Variants in CADM1 observed in about 807,000 individuals in gnomAD.
CADM1 encodes TSLC-1.
In CADM1, 15 loss-of-function variants were observed where a neutral mutation model predicts 53.1. The observed-to-expected ratio is 0.28, with a 90% CI of 0.19 to 0.44. The LOEUF (loss-of-function observed/expected upper bound fraction) is 0.44, where lower values mean the gene tolerates loss of function less well. Among genes scored for constraint, CADM1 ranks in the 20% least tolerant of loss-of-function variants. The pLI, the probability that CADM1 is intolerant of heterozygous loss-of-function variation, is 1.00. For missense variants in CADM1, 434 were observed against 611.3 expected (o/e 0.71, Z 3.06); for synonymous variants, 281 against 243.0 (o/e 1.16, Z -1.45).
chr11:115,271,847 C>A (rs1008221234), intron 1 of CADM1, among the ~76,000 whole-genome samples: 1 of 152,160 alleles, frequency 6.6e-6, no homozygotes, highest in Non-Finnish European at 1.5e-5. Context: ...GCCAAAGATC[C>A]ACTGAGATGT....
At chr11:115,176,893 C>G (rs1397511227) in intron 11 of CADM1, among the ~76,000 whole-genome samples, 1 of 152,170 alleles carries the variant, frequency 6.6e-6, no homozygotes, top group Non-Finnish European at 1.5e-5. Flanking sequence ...ATGCAGAAAG[C>G]TGGAGAGGGG....
At chr11:115,407,518 C>A (rs1343544979) in intron 1 of CADM1, among the ~76,000 whole-genome samples, 1 of 152,070 alleles carries the variant, frequency 6.6e-6, no homozygotes, top group Non-Finnish European at 1.5e-5. Flanking sequence ...ATCTGATATT[C>A]CACATTAGGA....
intron 1 of CADM1, among the ~76,000 whole-genome samples, chr11:115,475,899 T>G (rs1461541601): frequency 6.6e-6 from 1 of 152,124 alleles, no homozygotes; most frequent in Non-Finnish European, 1.5e-5. Flanking sequence ...TGTGTCAAAA[T>G]TCACAGAACT....
intron 1 of CADM1, among the ~76,000 whole-genome samples, chr11:115,296,519 TAG>T (rs938223755): frequency 7.9e-5 from 12 of 152,134 alleles, no homozygotes; most frequent in African/African-American, 2.9e-4. Context: ...ATTAGTTCCC[TAG>T]AGAGTGGGTT....
chr11:115,239,208 C>A (rs1385339248), intron 2 of CADM1, among the ~76,000 whole-genome samples: 2 of 152,070 alleles, frequency 1.3e-5, no homozygotes, highest in African/African-American at 4.8e-5. Flanking sequence ...ACAAAAGCAA[C>A]ATGAAAAATT....
At chr11:115,187,979 C>T (rs1381498673) in intron 10 of CADM1, among the ~76,000 whole-genome samples, 1 of 152,056 alleles carries the variant, frequency 6.6e-6, no homozygotes, top group Non-Finnish European at 1.5e-5. Flanking sequence ...CATGACAGCT[C>T]TGGAATTTCT....
At chr11:115,287,028 C>T (rs948003335) in intron 1 of CADM1, among the ~76,000 whole-genome samples, 1 of 152,216 alleles carries the variant, frequency 6.6e-6, no homozygotes, top group African/African-American at 2.4e-5. Flanking sequence ...GAAGTAGTTT[C>T]TCCCGACCCC....
chr11:115,226,162 A>C (rs922560902), intron 5 of CADM1, among the ~76,000 whole-genome samples: 1 of 152,196 alleles, frequency 6.6e-6, no homozygotes, highest in Non-Finnish European at 1.5e-5. Context: ...ATTTATTTTA[A>C]AGCTTATTAG....
intron 1 of CADM1, among the ~76,000 whole-genome samples, chr11:115,355,759 G>A (rs1945852757): frequency 6.6e-6 from 1 of 151,698 alleles, no homozygotes; most frequent in South Asian, 2.1e-4. Context: ...CAGAAAGCAG[G>A]CTGATTTTAC....
intron 1 of CADM1, among the ~76,000 whole-genome samples, chr11:115,268,158 T>C (rs1011871270): frequency 3.3e-5 from 5 of 152,138 alleles, no homozygotes; most frequent in Admixed American, 3.3e-4. Flanking sequence ...AGCCCACATA[T>C]TTGTGACGCA....
At chr11:115,422,261 T>A (rs745537961) in intron 1 of CADM1, among the ~76,000 whole-genome samples, 2 of 152,164 alleles carry the variant, frequency 1.3e-5, no homozygotes, top group Middle Eastern at 3.2e-3. Flanking sequence ...AAGGGGACTA[T>A]TCAGGATAGT....
rs375056075 is a variant in CADM1 at position 115,308,137 on chromosome 11, CTCTCTG to C, written c.125-67723_125-67718del. ...GATTCCTGTAAAAGACACAAACTCT[CTCTCTG>C]TGTGTGTGTGTGTGTGTGTGTGTGT... On this transcript the variant is annotated intron_variant, in intron 1 of 11. Transcript: ENST00000331581. Among the ~76,000 whole-genome samples, 64 of 105,332 alleles carry C rather than the reference CTCTCTG, an allele frequency of 6.1e-4. 1 individual carries two copies. The Middle Eastern group carries it at 0.014, about 22-fold the overall frequency. The allele number at this position is 105,332 out of a possible 152,430, so 69.1% of individuals were successfully genotyped here. A position where few individuals can be genotyped will look rare whatever the true frequency, so the allele number is the denominator to read the frequency against.
intron 1 of CADM1, among the ~76,000 whole-genome samples, chr11:115,358,799 C>A (rs1421085371): frequency 6.6e-6 from 1 of 152,196 alleles, no homozygotes; most frequent in Non-Finnish European, 1.5e-5. Flanking sequence ...AAATTCATCC[C>A]TGTGAACTCT....
At chr11:115,263,312 A>T (rs1943033325) in intron 1 of CADM1, among the ~76,000 whole-genome samples, 1 of 152,244 alleles carries the variant, frequency 6.6e-6, no homozygotes, top group African/African-American at 2.4e-5. Flanking sequence ...TCATCTCCTA[A>T]GAGGGAGCAG....
chr11:115,182,982 G>A (rs1420961952), intron 10 of CADM1, among the ~76,000 whole-genome samples: 2 of 152,148 alleles, frequency 1.3e-5, no homozygotes, highest in Non-Finnish European at 2.9e-5. Flanking sequence ...CCCTGGGCTC[G>A]CTTTAGCATC....
intron 1 of CADM1, among the ~76,000 whole-genome samples, chr11:115,274,203 G>C (rs1266267379): frequency 6.6e-6 from 1 of 152,220 alleles, no homozygotes; most frequent in Non-Finnish European, 1.5e-5. Context: ...TCTTAATGGA[G>C]TTCTGTTCAA....
At chr11:115,230,878 T>C (rs927902976) in intron 4 of CADM1, among the ~76,000 whole-genome samples, 1 of 152,244 alleles carries the variant, frequency 6.6e-6, no homozygotes, top group East Asian at 1.9e-4. Context: ...CAGGTGATAG[T>C]GCAATAGACG....
intron 1 of CADM1, among the ~76,000 whole-genome samples, chr11:115,382,850 G>A (rs755662291): frequency 6.6e-6 from 1 of 152,104 alleles, no homozygotes; most frequent in Non-Finnish European, 1.5e-5. Context: ...TGGTACACGT[G>A]ACAAGAATAA....
intron 1 of CADM1, among the ~76,000 whole-genome samples, chr11:115,412,299 ATCCT>A (rs1947477672): frequency 6.6e-6 from 1 of 152,148 alleles, no homozygotes; most frequent in Non-Finnish European, 1.5e-5. Flanking sequence ...GTCTCAGGTG[ATCCT>A]TCCACCTCAA....
Sources: allele counts gnomAD v4.1 joint callset (sites outside exome capture counted in the v4.1 genomes callset), GRCh38; gene constraint gnomAD v4.1.1; transcripts MANE v1.5; gene names NCBI Gene and HGNC (gene_info 2026-07-23, HGNC 2026-07-21).